The following KCTD16 variants were observed in gnomAD, a reference collection of about 807,000 sequenced individuals.
KCTD16 encodes BTB/POZ domain-containing protein KCTD16.
In KCTD16, 13 loss-of-function variants were observed where a neutral mutation model predicts 33.2. That is an observed-to-expected ratio of 0.39 (90% CI 0.25 to 0.62). The LOEUF is 0.62. KCTD16 is among the 20% of genes least tolerant of loss of function. The pLI is 0.50. For synonymous variants in KCTD16, 197 were observed against 195.3 expected, an observed-to-expected ratio of 1.01 and a Z score of -0.07; for missense variants, 441 against 525.1, an observed-to-expected ratio of 0.84 and a Z score of 1.57.
At chr5:144,414,310 C>A (rs909218226) in intron 3 of KCTD16, among the ~76,000 whole-genome samples, 2 of 152,100 alleles carry the variant, frequency 1.3e-5, no homozygotes, top group Non-Finnish European at 2.9e-5. Flanking sequence ...GTGCTACATA[C>A]CCTCAGAACC....
chr5:144,244,757 T>G (rs1754504391), intron 3 of KCTD16, among the ~76,000 whole-genome samples: 1 of 152,206 alleles, frequency 6.6e-6, no homozygotes, highest in Admixed American at 6.5e-5. Context: ...GCCAGGAGCC[T>G]TTTGTGGTCA....
At chr5:144,359,271 A>G (rs1020791399) in intron 3 of KCTD16, among the ~76,000 whole-genome samples, 1 of 152,152 alleles carries the variant, frequency 6.6e-6, no homozygotes, top group Admixed American at 6.5e-5. Context: ...ACACTTCAGA[A>G]TGTTTTCTGT....
intron 3 of KCTD16, among the ~76,000 whole-genome samples, chr5:144,450,408 A>G (rs1476988823): frequency 6.6e-6 from 1 of 152,122 alleles, no homozygotes; most frequent in African/African-American, 2.4e-5. Flanking sequence ...AAAAACTTAA[A>G]ATAGAACTAT....
chr5:144,278,796 C>T (rs576830600), intron 3 of KCTD16, among the ~76,000 whole-genome samples: 16 of 152,156 alleles, frequency 1.1e-4, no homozygotes, highest in Non-Finnish European at 1.9e-4. Context: ...CGTGCCTGGC[C>T]GTTAGTCTTC....
intron 3 of KCTD16, among the ~76,000 whole-genome samples, chr5:144,380,582 T>G (rs1178350567): frequency 6.6e-6 from 1 of 152,134 alleles, no homozygotes. Context: ...ACTACTCAAC[T>G]TCAAACTACA....
At chr5:144,259,229 G>A (rs1263745368) in intron 3 of KCTD16, among the ~76,000 whole-genome samples, 1 of 131,668 alleles carries the variant, frequency 7.6e-6, no homozygotes, top group Non-Finnish European at 1.5e-5. Flanking sequence ...CTGCACTCCA[G>A]GCTGGATGAC....
chr5:144,419,785 T>G lies in KCTD16; in HGVS notation c.833-53875T>G, dbSNP rs112177376. On this transcript the variant is annotated intron_variant, in intron 3 of 3. Transcript: ENST00000512467. ...GAAGAATAGACCAAAGTTTTTATTT[T>G]ATCTAATTTTAAGTAATTTAATTTA... Among the ~76,000 whole-genome samples the G allele has an allele frequency of 3.6e-3, 545 of 152,286 alleles. 2 individuals are homozygous for G. The highest frequency in any genetic ancestry group is 5.9e-3 in the Non-Finnish European group (400 of 68,002).
At chr5:144,281,769 C>A (rs1306453583) in intron 3 of KCTD16, among the ~76,000 whole-genome samples, 1 of 152,120 alleles carries the variant, frequency 6.6e-6, no homozygotes, top group African/African-American at 2.4e-5. Context: ...CTTTTGATTA[C>A]TGAGAGATAA....
chr5:144,337,709 A>T (rs1010020193), intron 3 of KCTD16, among the ~76,000 whole-genome samples: 1 of 152,088 alleles, frequency 6.6e-6, no homozygotes, highest in African/African-American at 2.4e-5. Flanking sequence ...TCTTTACTCA[A>T]CTCTCGACAA....
chr5:144,228,073 T>G (rs191117824), intron 3 of KCTD16, among the ~76,000 whole-genome samples: 1 of 152,250 alleles, frequency 6.6e-6, no homozygotes, highest in Admixed American at 6.5e-5. Flanking sequence ...AGTTCAGGCT[T>G]AAGATATAAA....
At chr5:144,173,679 T>G (rs1017833106) in intron 1 of KCTD16, among the ~76,000 whole-genome samples, 60 of 152,348 alleles carry the variant, frequency 3.9e-4, no homozygotes, top group African/African-American at 1.4e-3. Context: ...ATTCAAATTC[T>G]ACTTCTGTCT....
intron 3 of KCTD16, among the ~76,000 whole-genome samples, chr5:144,392,525 A>G (rs1371777864): frequency 6.6e-6 from 1 of 152,184 alleles, no homozygotes. Context: ...TGAGAGGTGG[A>G]CCTATGTGAA....
chr5:144,403,913 T>A (rs979628027), intron 3 of KCTD16, among the ~76,000 whole-genome samples: 1 of 152,128 alleles, frequency 6.6e-6, no homozygotes, highest in African/African-American at 2.4e-5. Flanking sequence ...AGAACAAACT[T>A]AGGGTCTAAT....
intron 3 of KCTD16, among the ~76,000 whole-genome samples, chr5:144,326,890 CTATAT>C (rs1752220381): frequency 6.6e-6 from 1 of 152,050 alleles, no homozygotes; most frequent in Non-Finnish European, 1.5e-5. Context: ...TTTCCTGTCC[CTATAT>C]TATAACATTA....
chr5:144,443,212 G>A (rs772838769), intron 3 of KCTD16, among the ~76,000 whole-genome samples: 1 of 152,104 alleles, frequency 6.6e-6, no homozygotes, highest in Non-Finnish European at 1.5e-5. Context: ...TAATGGGGTA[G>A]AGTTTCCATT....
intron 3 of KCTD16, among the ~76,000 whole-genome samples, chr5:144,321,339 T>C (rs1372617999): frequency 1.3e-5 from 2 of 152,038 alleles, no homozygotes; most frequent in Non-Finnish European, 2.9e-5. Flanking sequence ...CTAGTCTCCA[T>C]TCTGCAGCAT....
intron 3 of KCTD16, among the ~76,000 whole-genome samples, chr5:144,328,895 A>G (rs29893): frequency 0.28 from 41,467 of 147,320 alleles, 5,900 homozygotes; most frequent in Non-Finnish European, 0.3. Context: ...CTGATTTCTT[A>G]TTGCCTGATT....
intron 2 of KCTD16, among the ~76,000 whole-genome samples, chr5:144,190,335 G>A (rs1752816532): frequency 6.6e-6 from 1 of 152,228 alleles, no homozygotes; most frequent in East Asian, 1.9e-4. Context: ...GTACATTTGC[G>A]TAAGATCACT....
At chr5:144,432,637 ATGTG>A (rs71576198) in intron 3 of KCTD16, among the ~76,000 whole-genome samples, 1 of 150,848 alleles carries the variant, frequency 6.6e-6, no homozygotes, top group Non-Finnish European at 1.5e-5. Flanking sequence ...ATAACACTAA[ATGTG>A]TGTGTGTGTG....
Sources: allele counts gnomAD v4.1 joint callset (sites outside exome capture counted in the v4.1 genomes callset), GRCh38; gene constraint gnomAD v4.1.1; transcripts MANE v1.5; gene names NCBI Gene and HGNC (gene_info 2026-07-23, HGNC 2026-07-21).